NT5E: variants seen among roughly 807,000 people sequenced by gnomAD.
NT5E encodes the protein 5'-nucleotidase.
NT5E carries 53 observed loss-of-function variants against 55.1 expected under a neutral mutation model. That is an observed-to-expected ratio of 0.96 (90% CI 0.77 to 1.21). The LOEUF is 1.21. Ranked by LOEUF, NT5E falls within the 50% of genes most tolerant of loss-of-function variation. The pLI, the probability that NT5E is intolerant of heterozygous loss-of-function variation, is 0.00. For synonymous variants in NT5E, 270 were observed against 278.4 expected, an observed-to-expected ratio of 0.97 and a Z score of 0.30; for missense variants, 683 against 724.3, an observed-to-expected ratio of 0.94 and a Z score of 0.65.
chr6:85,485,206 C>T (rs780366896), intron 3 of NT5E, 29 bp from the exon 4 acceptor site: 1 of 1,611,650 alleles, frequency 6.2e-7, no homozygotes, highest in African/African-American at 1.3e-5. Context: ...CAAGGGCTGA[C>T]TTGATCAGCT....
chr6:85,467,254 C>A lies in NT5E; in HGVS notation c.534C>A (p.Ser178=), dbSNP rs767646336. 2 of 1,614,078 alleles carry A rather than the reference C, an allele frequency of 1.2e-6. No homozygotes were observed. Among genetic ancestry groups the A allele is most frequent in the Non-Finnish European group, 1.7e-6 (2 of 1,179,968 alleles). ...DEVVGIVGYT[S]KETPFLSNPG... is the part of the protein sequence containing the mutation. ...TTGTGGGAATCGTTGGATACACTTC[C>A]AAAGAAACCCCTTTTCTCTCAAATC... The change falls in exon 2 of 9, where the codon TCC becomes TCA. Residue 178 remains serine (S), a synonymous_variant. Coordinates refer to ENST00000257770, the MANE Select transcript of NT5E (RefSeq NM_002526.4).
chr6:85,487,568 G>A (rs1032185546), intron 5 of NT5E, 79 bp downstream of exon 5: 1 of 1,535,714 alleles, frequency 6.5e-7, no homozygotes, highest in Admixed American at 1.7e-5. Flanking sequence ...TGCGAGAAGG[G>A]ATAGATCGAT....
intron 5 of NT5E, 69 bp downstream of exon 5, chr6:85,487,558 T>A: frequency 6.4e-7 from 1 of 1,571,138 alleles, no homozygotes. Context: ...GAAGGAAGGA[T>A]GCGAGAAGGG....
chr6:85,451,480 G>C (rs1768856068), intron 1 of NT5E, among the ~76,000 whole-genome samples: 1 of 151,996 alleles, frequency 6.6e-6, no homozygotes, highest in South Asian at 2.1e-4. Context: ...TAATAAATAA[G>C]TACAACCAAG....
chr6:85,464,829 G>A (rs921050090), intron 1 of NT5E, among the ~76,000 whole-genome samples: 1 of 152,156 alleles, frequency 6.6e-6, no homozygotes, highest in South Asian at 2.1e-4. Context: ...GCCAGAGGAC[G>A]TGATGGTGAG....
intron 3 of NT5E, among the ~76,000 whole-genome samples, chr6:85,474,077 G>A (rs532580456): frequency 3.3e-5 from 5 of 152,262 alleles, no homozygotes; most frequent in African/African-American, 1.2e-4. Flanking sequence ...GTATCTGTGG[G>A]GGATTGGTTC....
intron 1 of NT5E, 36 bp from the exon 2 acceptor site, chr6:85,467,024 G>T (rs759131355): frequency 6.4e-7 from 1 of 1,570,896 alleles, no homozygotes; most frequent in Non-Finnish European, 8.8e-7. Context: ...TGTTTTTAAA[G>T]CACCTAATTC....
intron 5 of NT5E, among the ~76,000 whole-genome samples, chr6:85,489,160 A>C (rs1769730592): frequency 6.6e-6 from 1 of 152,148 alleles, no homozygotes; most frequent in South Asian, 2.1e-4. Flanking sequence ...GCCCTGGAGA[A>C]GCCTGTGCAG....
At chr6:85,490,713 TGGTTG>T in intron 7 of NT5E, 56 bp downstream of exon 7, 1 of 1,604,280 alleles carries the variant, frequency 6.2e-7, no homozygotes, top group South Asian at 1.1e-5. Context: ...CATTTCCTGC[TGGTTG>T]GCTCAGCTTC....
At position 85,486,694 on chromosome 6, in the gene NT5E, A is replaced by G. The variant is rs146769866; in HGVS notation, c.950-641A>G. On this transcript the variant is annotated intron_variant, in intron 4 of 8. Transcript: ENST00000257770. The stretch of plus-strand genomic sequence containing the variant: ...TCCAACCTGGCATTGTCTTTACACA[A>G]TCCTGCATGCAATTTTGTATTTACA... 3.2e-3 allele frequency among the ~76,000 whole-genome samples: 485 copies of G among 152,200 alleles called. 3 individuals carry two copies. The highest frequency in any genetic ancestry group is 0.021 in the East Asian group (109 of 5,180).
Position 85,487,331 on chromosome 6 carries a change from C to G in NT5E, c.950-4C>G. The G allele has an allele frequency of 6.2e-7, 1 of 1,612,396 alleles. No homozygotes were observed. The highest frequency in any genetic ancestry group is 8.5e-7 in the Non-Finnish European group (1 of 1,178,484). ...TGTAGGGTACCTTCTTTTCTTTCTT[C>G]TAGATCCAAGCATAAAAGCAGACAT... On this transcript the variant is annotated splice_region_variant and splice_polypyrimidine_tract_variant and intron_variant, in intron 4 of 8. Coordinates refer to ENST00000257770, the MANE Select transcript of NT5E (RefSeq NM_002526.4).
chr6:85,452,608 T>G (rs1409402888), intron 1 of NT5E, among the ~76,000 whole-genome samples: 1 of 152,118 alleles, frequency 6.6e-6, no homozygotes, highest in Non-Finnish European at 1.5e-5. Flanking sequence ...ATGGCAAGGT[T>G]AGATGGCTGT....
rs1284584696 is a variant in NT5E at position 85,471,318 on chromosome 6, T to G, written c.644T>G (p.Ile215Ser). ...DKLKTLNVNK[I>S]IALGHSGFEM... ...TTAAAAACTCTAAATGTGAACAAAA[T>G]TATTGCACTGGGACATTCGGGTTTT... The change falls in exon 3 of 9, where the codon ATT (isoleucine) becomes AGT (serine). Residue 215 changes from isoleucine (I) to serine (S), a missense_variant. Ile to Ser is a moderately radical substitution (Grantham distance 142). Transcript: ENST00000257770. 3 of 1,613,050 alleles carry G rather than the reference T, an allele frequency of 1.9e-6. No homozygotes were observed. The highest frequency in any genetic ancestry group is 8.5e-7 in the Non-Finnish European group (1 of 1,179,262).
chr6:85,481,864 T>C (rs555085982), intron 3 of NT5E, among the ~76,000 whole-genome samples: 1 of 152,344 alleles, frequency 6.6e-6, no homozygotes, highest in East Asian at 1.9e-4. Context: ...CTCAGGCTGC[T>C]GTGTGGAGAC....
chr6:85,455,362 G>A (rs1057288747), intron 1 of NT5E, among the ~76,000 whole-genome samples: 3 of 152,086 alleles, frequency 2.0e-5, no homozygotes, highest in Non-Finnish European at 4.4e-5. Flanking sequence ...TGGAACTTTC[G>A]GTACCACCCA....
intron 1 of NT5E, among the ~76,000 whole-genome samples, chr6:85,457,717 C>T (rs1769016806): frequency 6.6e-6 from 1 of 152,102 alleles, no homozygotes; most frequent in Admixed American, 6.6e-5. Context: ...CTTTGGGGCT[C>T]ATTTATTCAT....
rs750425054 is a variant in NT5E, at chr6:85,467,054, A to T, written c.340-6A>T. On this transcript the variant is annotated splice_region_variant and splice_polypyrimidine_tract_variant and intron_variant, in intron 1 of 8. Coordinates refer to ENST00000257770, the MANE Select transcript of NT5E (RefSeq NM_002526.4). ...TAATTCTTTTTCTCTTTTCTGTTTT[A>T]TCTAGGCACTGGGAAATCATGAATT... 3.1e-6 allele frequency: 5 copies of T among 1,612,780 alleles called. No individual in the cohort carries two copies. The Admixed American group carries it at 6.7e-5, about 22-fold the overall frequency.
At chr6:85,489,076 T>C (rs898920690) in intron 5 of NT5E, among the ~76,000 whole-genome samples, 1 of 152,182 alleles carries the variant, frequency 6.6e-6, no homozygotes, top group African/African-American at 2.4e-5. Flanking sequence ...GAGGCCAGGT[T>C]CTCTTTGGCA....
chr6:85,474,744 G>T (rs7739353), intron 3 of NT5E, among the ~76,000 whole-genome samples: 5 of 152,070 alleles, frequency 3.3e-5, no homozygotes, highest in Non-Finnish European at 7.4e-5. Flanking sequence ...GCCTGGGCAA[G>T]ATAGGGAGAC....
Sources: gnomAD v4.1 joint callset for allele counts (sites outside exome capture counted in the v4.1 genomes callset) on GRCh38, gnomAD v4.1.1 for gene constraint, MANE v1.5 for transcripts, NCBI Gene and HGNC (gene_info 2026-07-23, HGNC 2026-07-21) for gene names.